Variants in HSF1 observed in about 807,000 individuals in gnomAD.
The protein encoded by HSF1 is heat shock transcription factor 1, also known as heat shock factor protein 1.
A neutral mutation model predicts 51.7 loss-of-function variants in HSF1; 32 were observed. That is an observed-to-expected ratio of 0.62 (90% confidence interval 0.47 to 0.83). The LOEUF (loss-of-function observed/expected upper bound fraction) is 0.83. Among genes scored for constraint, HSF1 ranks in the 40% least tolerant of loss-of-function variants. HSF1 has a pLI of 0.00. For missense variants in HSF1, 727 were observed against 717.0 expected (o/e 1.01, Z -0.16); for synonymous variants, 396 against 309.7 (o/e 1.28, Z -2.92).
chr8:144,309,974 G>T (rs1203049924), intron 4 of HSF1, 78 bp downstream of exon 4: 15 of 1,525,972 alleles, frequency 9.8e-6, no homozygotes, highest in Non-Finnish European at 1.2e-5. Flanking sequence ...TGGGGGCAGG[G>T]CCCTGACCGG....
chr8:144,300,822 A>G (rs1815815051), intron 1 of HSF1, among the ~76,000 whole-genome samples: 1 of 151,658 alleles, frequency 6.6e-6, no homozygotes, highest in Non-Finnish European at 1.5e-5. Flanking sequence ...CCTAGTTAAC[A>G]ATGTGTCTAA....
chr8:144,304,135 G>A (rs1816067189), intron 1 of HSF1, among the ~76,000 whole-genome samples: 1 of 108,796 alleles, frequency 9.2e-6, no homozygotes, highest in Admixed American at 1.2e-4. Context: ...ACCTTATTTG[G>A]GAATTGAGGG....
intron 1 of HSF1, chr8:144,292,701 T>A (rs1187631998): frequency 1.3e-5 from 2 of 152,300 alleles, no homozygotes; most frequent in Non-Finnish European, 2.9e-5. Flanking sequence ...TGACTCTTGC[T>A]TGTAATCCCA....
In HSF1 at chr8:144,291,859, C is replaced by T. The variant is rs782280074; in HGVS notation, c.102C>T (p.Leu34=). 2 of 1,541,088 alleles carry T rather than the reference C, an allele frequency of 1.3e-6. No homozygotes were observed. Among genetic ancestry groups the T allele is most frequent in the Non-Finnish European group, 1.7e-6 (2 of 1,149,132 alleles). Residue 34 remains leucine (L), a synonymous_variant, in exon 1 of 13, where the codon CTC becomes CTT. Coordinates refer to ENST00000528838, the MANE Select transcript of HSF1 (RefSeq NM_005526.4). The surrounding 1 kb of genome is among the most constrained non-coding windows in gnomAD (Gnocchi z 4.1). ...TLVSDPDTDA[L]ICWSPSGNSF... ...TGAGCGACCCGGACACCGACGCGCTCATCTGCTGGAGCCCGGTGAGGGCAG... is the reference window on the plus strand; with the variant it reads ...TGAGCGACCCGGACACCGACGCGCTTATCTGCTGGAGCCCGGTGAGGGCAG...
chr8:144,313,683 C>CCGCCCCCCCGCA (rs1816918268), intron 10 of HSF1, 67 bp downstream of exon 10: 1 of 75,578 alleles, frequency 1.3e-5, no homozygotes, highest in Non-Finnish European at 2.1e-5. Flanking sequence ...GCCTCCCCGC[C>CCGCCCCCCCGCA]CCGCCTCCCC....
In HSF1 at chr8:144,297,459, G is replaced by C. The variant is rs1395492417; in HGVS notation, c.117+5585G>C. 6.6e-6 allele frequency among the ~76,000 whole-genome samples: 1 copy of C among 152,206 alleles called. No individual in the cohort carries two copies. The highest frequency in any genetic ancestry group is 6.5e-5 in the Admixed American group (1 of 15,288). ...GTCCTTGTGTGGCGAGAACACGCTG[G>C]AAGCTCCTCCAGAGCGGAAACAAGA... On this transcript the variant is annotated intron_variant, in intron 1 of 12. Transcript: ENST00000528838. The surrounding 1 kb of genome is among the most constrained non-coding windows in gnomAD (Gnocchi z 4.6).
chr8:144,292,395 C>G (rs991098298), intron 1 of HSF1: 3 of 152,340 alleles, frequency 2.0e-5, no homozygotes, highest in Non-Finnish European at 4.4e-5. Context: ...ATCTCAAGCC[C>G]GTTTCCGAAT....
At chr8:144,309,287 G>T (rs1816437150) in intron 2 of HSF1, 168 bp from the exon 3 acceptor site, 1 of 857,996 alleles carries the variant, frequency 1.2e-6, no homozygotes, top group Non-Finnish European at 1.8e-6. Flanking sequence ...GGGACACAGG[G>T]TCTCCCTTAG....
chr8:144,296,805 T>G (rs1400119640), intron 1 of HSF1, among the ~76,000 whole-genome samples: 1 of 82,298 alleles, frequency 1.2e-5, no homozygotes, highest in Non-Finnish European at 2.4e-5. Flanking sequence ...GGACTCCATC[T>G]CAAAAAAAAA....
At chr8:144,312,745 C>T in intron 9 of HSF1, 1 of 1,516,496 alleles carries the variant, frequency 6.6e-7, no homozygotes, top group South Asian at 1.2e-5. Flanking sequence ...GGGAGGAGGG[C>T]TCTGCCAGCG....
Position 144,314,272 on chromosome 8 carries a change from C to G in HSF1, c.1532C>G (p.Thr511Ser). ...SEGDGFAEDP[T>S]ISLLTGSEPP... ...GGGGACGGCTTCGCCGAGGACCCCA[C>G]CATCTCCCTGCTGACAGGCTCGGAG... The change falls in exon 13 of 13, where the codon ACC (threonine) becomes AGC (serine). Residue 511 changes from threonine to serine, a missense_variant. Thr to Ser is a moderately conservative substitution (Grantham distance 58). Transcript: ENST00000528838. 6.4e-7 allele frequency: 1 copy of G among 1,551,044 alleles called. No homozygotes were observed. Among genetic ancestry groups the G allele is most frequent in the Non-Finnish European group, 8.7e-7 (1 of 1,147,274 alleles).
Position 144,313,865 on chromosome 8 carries a change from C to G in HSF1, c.1268C>G (p.Thr423Ser). 6.2e-7 allele frequency: 1 copy of G among 1,605,214 alleles called. No individual in the cohort carries two copies. Among genetic ancestry groups the G allele is most frequent in the Non-Finnish European group, 8.5e-7 (1 of 1,178,108 alleles). Residue 423 changes from threonine to serine, a missense_variant, in exon 11 of 13, where the codon ACC (threonine) becomes AGC (serine). By Grantham distance (58) the Thr-to-Ser change is moderately conservative. Around this residue, in one of 2 missense-constraint regions of HSF1, gnomAD observed 470 missense variants for 398.8 expected, o/e 1.18. Transcript: ENST00000528838. The part of the protein sequence containing the change: ...ALLDLFSPSV[T>S]VPDMSLPDLD... The stretch of plus-strand genomic sequence containing the variant: ...CCGCAGCTGTTCAGCCCCTCGGTGA[C>G]CGTGCCCGACATGAGCCTGCCTGAC...
Position 144,311,374 on chromosome 8 carries a change from GAGAA to G in HSF1, c.622_625del (p.Lys208SerfsTer3). 6.2e-7 allele frequency: 1 copy of G among 1,614,010 alleles called. No homozygotes were observed. Among genetic ancestry groups the G allele is most frequent in the African/African-American group, 1.3e-5 (1 of 75,074 alleles). On this transcript the variant is annotated frameshift_variant, in exon 6 of 13. Transcript: ENST00000528838. LOFTEE classifies it high-confidence loss of function. ...AGTCAAACCGGATCCTGGGGGTGAA[GAGAA>G]AGATGTGAGGTTTTGGGGATGCCTG...
chr8:144,313,332 GCA>G, intron 9 of HSF1, 177 bp from the exon 10 acceptor site: 1 of 577,706 alleles, frequency 1.7e-6, no homozygotes, highest in Non-Finnish European at 3.1e-6. Context: ...CCCCTGCAGG[GCA>G]CAGAGCCTCC....
At chr8:144,298,517 A>G (rs1227682740) in intron 1 of HSF1, among the ~76,000 whole-genome samples, 3 of 151,878 alleles carry the variant, frequency 2.0e-5, no homozygotes, top group Non-Finnish European at 4.4e-5. Context: ...AGGCAGGAGA[A>G]TCACTTGAAC....
At chr8:144,310,189 C>T (rs112775839) in intron 4 of HSF1, 57 of 383,532 alleles carry the variant, frequency 1.5e-4, no homozygotes, top group African/African-American at 8.0e-4. Flanking sequence ...TGGCGGGACC[C>T]ACCAGCCTAC....
chr8:144,299,955 G>C (rs1815744705), intron 1 of HSF1, among the ~76,000 whole-genome samples: 1 of 152,118 alleles, frequency 6.6e-6, no homozygotes, highest in South Asian at 2.1e-4. Flanking sequence ...CAGAAAAGAA[G>C]CAAGTTGGAC....
Position 144,311,352 on chromosome 8 carries a change from C to A in HSF1, c.596C>A (p.Ser199Ter). The part of the protein sequence containing the change: ...LIQFLISLVQ[S>*]NRILGVKRKI... Reference sequence around the variant, plus strand: ...CAGTTCCTGATCTCACTGGTGCAGTCAAACCGGATCCTGGGGGTGAAGAGA... The same window carrying A: ...CAGTTCCTGATCTCACTGGTGCAGTAAAACCGGATCCTGGGGGTGAAGAGA... Residue 199 changes from serine (S) to a stop codon, truncating the protein, a stop_gained, in exon 6 of 13, where the codon TCA (serine) becomes TAA (stop). Transcript: ENST00000528838. LOFTEE classifies it high-confidence loss of function. 1 of 1,614,038 alleles carries A rather than the reference C, an allele frequency of 6.2e-7. No homozygotes were observed. The highest frequency in any genetic ancestry group is 1.1e-5 in the South Asian group (1 of 91,084).
At position 144,313,120 on chromosome 8, in the gene HSF1, C is replaced by G. The variant is rs549919654; in HGVS notation, c.1143-391C>G. The G allele has an allele frequency of 7.7e-6, 3 of 387,174 alleles. No individual in the cohort carries two copies. The South Asian group carries it at 8.8e-5, about 11-fold the overall frequency. 24.0% of individuals were successfully genotyped at this position (387,174 alleles called of 1,614,324 possible). A position where few individuals can be genotyped will look rare whatever the true frequency, so the allele number is the denominator to read the frequency against. ...CGTGGGTCTCATCCCCACAGCAGCA[C>G]CAGGGCAGGGACTGAGCCACCCACA... On this transcript the variant is annotated intron_variant, in intron 9 of 12. Transcript: ENST00000528838.
Sources: gnomAD v4.1 joint callset for allele counts (sites outside exome capture counted in the v4.1 genomes callset) on GRCh38, gnomAD v4.1.1 for gene constraint, gnomAD v4.1.1 regional missense constraint, Gnocchi (gnomAD v3.1) non-coding constraint, MANE v1.5 for transcripts, NCBI Gene and HGNC (gene_info 2026-07-23, HGNC 2026-07-21) for gene names.